KIF26B: variants seen among roughly 807,000 people sequenced by gnomAD.
The protein encoded by KIF26B is kinesin-like protein KIF26B.
Under a neutral mutation model 151.2 loss-of-function variants are expected in KIF26B, and 63 were observed. The observed-to-expected ratio is 0.42, with a 90% CI of 0.34 to 0.51. KIF26B has a LOEUF of 0.51. KIF26B is among the 20% of genes least tolerant of loss of function. The pLI, the probability that KIF26B is intolerant of heterozygous loss-of-function variation, is 0.07. For synonymous variants in KIF26B, 1,357 were observed against 1,262.1 expected (o/e 1.08, Z -1.59); for missense variants, 2,813 against 2,913.6 (o/e 0.97, Z 0.79).
chr1:245,365,469 A>T, intron 2 of KIF26B, among the ~76,000 whole-genome samples: 1 of 145,534 alleles, frequency 6.9e-6, no homozygotes, highest in Non-Finnish European at 1.5e-5. Flanking sequence ...ATTAAGAACC[A>T]CCCCCCAAAT....
chr1:245,696,423 C>A (rs191284152), intron 12 of KIF26B, among the ~76,000 whole-genome samples: 1 of 152,170 alleles, frequency 6.6e-6, no homozygotes, highest in Non-Finnish European at 1.5e-5. Flanking sequence ...AGCTTGCCTG[C>A]GACTCCGAGA....
intron 4 of KIF26B, among the ~76,000 whole-genome samples, chr1:245,443,135 CTAGAGCTGTCATCTCCCTCACTGTTCACT>C (rs1659154379): frequency 6.7e-6 from 1 of 149,024 alleles, no homozygotes; most frequent in African/African-American, 2.5e-5. Flanking sequence ...CACTGTTCAC[CTAGAGCTGTCATCTCCCTCACTGTTCACT>C]TAGAGGAGAG....
chr1:245,408,785 C>G (rs946037024), intron 3 of KIF26B, among the ~76,000 whole-genome samples: 1 of 152,110 alleles, frequency 6.6e-6, no homozygotes, highest in East Asian at 1.9e-4. Flanking sequence ...TCAAGAGTAG[C>G]GAGAAACCAA....
At chr1:245,590,468 G>T (rs1348548653) in intron 5 of KIF26B, among the ~76,000 whole-genome samples, 1 of 152,180 alleles carries the variant, frequency 6.6e-6, no homozygotes, top group African/African-American at 2.4e-5. Context: ...TCTTTCCAAT[G>T]GATATTTACC....
At chr1:245,411,912 C>G (rs1320315030) in intron 3 of KIF26B, among the ~76,000 whole-genome samples, 1 of 152,226 alleles carries the variant, frequency 6.6e-6, no homozygotes, top group Non-Finnish European at 1.5e-5. Flanking sequence ...CGTCAGCTTT[C>G]TATTCTGTGT....
At chr1:245,444,692 G>C (rs1263711737) in intron 4 of KIF26B, among the ~76,000 whole-genome samples, 1 of 152,136 alleles carries the variant, frequency 6.6e-6, no homozygotes, top group Admixed American at 6.5e-5. Context: ...ATAGGACAAG[G>C]CAGACTAACG....
At chr1:245,307,785 G>C (rs998685427) in intron 2 of KIF26B, among the ~76,000 whole-genome samples, 2 of 150,196 alleles carry the variant, frequency 1.3e-5, no homozygotes, top group African/African-American at 2.5e-5. Context: ...CTGTCGCCCA[G>C]GCTGGAGTGC....
At chr1:245,647,799 C>T (rs1224148038) in intron 10 of KIF26B, among the ~76,000 whole-genome samples, 1 of 152,174 alleles carries the variant, frequency 6.6e-6, no homozygotes, top group Non-Finnish European at 1.5e-5. Flanking sequence ...CCAGGAGAAC[C>T]ATTACTGGAC....
intron 10 of KIF26B, among the ~76,000 whole-genome samples, chr1:245,681,262 T>C (rs2050879): frequency 0.41 from 60,957 of 150,234 alleles, 13,015 homozygotes; most frequent in Middle Eastern, 0.51. Flanking sequence ...CAGGCTGAAG[T>C]GCAGTGGCGC....
intron 5 of KIF26B, among the ~76,000 whole-genome samples, chr1:245,543,659 C>T (rs1256755764): frequency 6.6e-6 from 1 of 151,958 alleles, no homozygotes; most frequent in African/African-American, 2.4e-5. Flanking sequence ...ATGATTGGAA[C>T]AAGAAGTTGG....
chr1:245,575,521 G>A (rs935363945), intron 5 of KIF26B, among the ~76,000 whole-genome samples: 1 of 152,006 alleles, frequency 6.6e-6, no homozygotes, highest in Admixed American at 6.6e-5. Flanking sequence ...TTCATGGCTA[G>A]GTAGAGGTCA....
chr1:245,685,821 T>C lies in KIF26B; in HGVS notation c.2838T>C (p.Pro946=). Residue 946 remains proline (P), a synonymous_variant, in exon 12 of 15, where the codon CCT becomes CCC. Coordinates refer to ENST00000407071, the MANE Select transcript of KIF26B (RefSeq NM_018012.4). ...IDGSEEPSSF[P]FEELPAQFGP... is the part of the protein sequence containing the mutation. ...GCAGCGAGGAGCCCAGCAGCTTTCC[T>C]TTCGAAGAACTGCCTGCTCAGTTTG... 1 of 1,610,848 alleles carries C rather than the reference T, an allele frequency of 6.2e-7. No homozygotes were observed. The highest frequency in any genetic ancestry group is 2.2e-5 in the East Asian group (1 of 44,786).
At chr1:245,655,205 T>G (rs2044060463) in intron 10 of KIF26B, among the ~76,000 whole-genome samples, 1 of 152,210 alleles carries the variant, frequency 6.6e-6, no homozygotes, top group African/African-American at 2.4e-5. Flanking sequence ...TTTTCATTTC[T>G]CCATCAGCAA....
chr1:245,561,912 T>G (rs1375708966), intron 5 of KIF26B, among the ~76,000 whole-genome samples: 1 of 152,204 alleles, frequency 6.6e-6, no homozygotes, highest in Non-Finnish European at 1.5e-5. Flanking sequence ...CTGCCTCTTC[T>G]CAGTCTCCAT....
Position 245,284,907 on chromosome 1 carries a change from C to T in KIF26B, c.466-81927C>T, listed in dbSNP as rs150677153. ...ATACAAAATTAGCCGGGCGTGGTGGCGCATGCCTGTAATCCCAGCTGCTCA... is the reference window on the plus strand; with the variant it reads ...ATACAAAATTAGCCGGGCGTGGTGGTGCATGCCTGTAATCCCAGCTGCTCA... On this transcript the variant is annotated intron_variant, in intron 2 of 14. Transcript: ENST00000407071. Among the ~76,000 whole-genome samples, 1,010 of 152,218 alleles carry T rather than the reference C, an allele frequency of 6.6e-3. 15 individuals carry two copies. The highest frequency in any genetic ancestry group is 0.023 in the African/African-American group (946 of 41,522).
intron 2 of KIF26B, among the ~76,000 whole-genome samples, chr1:245,300,108 A>G (rs1231491677): frequency 1.3e-5 from 2 of 152,234 alleles, no homozygotes; most frequent in African/African-American, 4.8e-5. Context: ...GGTATGGATA[A>G]GTTTATCTTA....
At chr1:245,209,408 TAAAAC>T (rs1360404201) in intron 2 of KIF26B, among the ~76,000 whole-genome samples, 168 of 142,698 alleles carry the variant, frequency 1.2e-3, no homozygotes, top group African/African-American at 4.0e-3. Context: ...CTAAAAAAAA[TAAAAC>T]AAGAAAAAAA....
At chr1:245,539,903 T>G (rs879865696) in intron 4 of KIF26B, among the ~76,000 whole-genome samples, 1 of 152,190 alleles carries the variant, frequency 6.6e-6, no homozygotes, top group Admixed American at 6.5e-5. Context: ...GCTGCCTGCC[T>G]CGGCCTCCCA....
chr1:245,184,050 G>GTTGTTGTTTTTTT (rs1553332271), intron 2 of KIF26B, among the ~76,000 whole-genome samples: 2 of 19,804 alleles, frequency 1.0e-4, no homozygotes, highest in East Asian at 1.7e-3. Context: ...GGGAGTTGTT[G>GTTGTTGTTTTTTT]TTTTTTTTTT....
Sources: allele counts gnomAD v4.1 joint callset (sites outside exome capture counted in the v4.1 genomes callset), GRCh38; gene constraint gnomAD v4.1.1; transcripts MANE v1.5; gene names NCBI Gene and HGNC (gene_info 2026-07-23, HGNC 2026-07-21).